NBEA: variants seen among roughly 807,000 people sequenced by gnomAD.
NBEA encodes the protein lysosomal-trafficking regulator 2.
A neutral mutation model predicts 343.4 loss-of-function variants in NBEA; 44 were observed. The ratio of observed to expected loss-of-function variants is 0.13; its 90% CI spans 0.10 to 0.16. The LOEUF (loss-of-function observed/expected upper bound fraction) is 0.16. NBEA is among the 10% of genes least tolerant of loss of function. The pLI is 1.00. For synonymous variants in NBEA, 1,175 were observed against 1,238.7 expected, an observed-to-expected ratio of 0.95 and a Z score of 1.08; for missense variants, 2,555 against 3,631.3, an observed-to-expected ratio of 0.70 and a Z score of 7.62.
At chr13:34,946,884 C>A (rs1483657596) in intron 1 of NBEA, among the ~76,000 whole-genome samples, 1 of 145,954 alleles carries the variant, frequency 6.9e-6, no homozygotes, top group Non-Finnish European at 1.5e-5. Flanking sequence ...GGCAGTAACT[C>A]TTCTTCCTTA....
chr13:35,373,663 C>T (rs2041574618), intron 38 of NBEA, among the ~76,000 whole-genome samples: 1 of 150,836 alleles, frequency 6.6e-6, no homozygotes, highest in African/African-American at 2.4e-5. Flanking sequence ...TGTGATGGCG[C>T]CACTGCACTC....
chr13:35,259,781 C>G (rs930145139), intron 34 of NBEA, among the ~76,000 whole-genome samples: 7 of 152,122 alleles, frequency 4.6e-5, no homozygotes, highest in South Asian at 2.1e-4. Context: ...TTTCAAAAAG[C>G]CACTGAAATT....
At chr13:34,946,086 T>C (rs988440697) in intron 1 of NBEA, among the ~76,000 whole-genome samples, 1 of 152,148 alleles carries the variant, frequency 6.6e-6, no homozygotes, top group Non-Finnish European at 1.5e-5. Flanking sequence ...CAGTGAAATA[T>C]GGAATGGATA....
intron 53 of NBEA, among the ~76,000 whole-genome samples, chr13:35,652,577 C>G (rs1325449383): frequency 1.4e-5 from 2 of 143,540 alleles, no homozygotes; most frequent in Non-Finnish European, 3.0e-5. Context: ...GGAGGCGGAG[C>G]TTGCAGTGAG....
intron 25 of NBEA, among the ~76,000 whole-genome samples, chr13:35,170,577 A>C (rs1455189764): frequency 1.3e-5 from 2 of 151,910 alleles, no homozygotes; most frequent in African/African-American, 2.4e-5. Context: ...CTCTGAAATC[A>C]GAAATGTAGT....
intron 40 of NBEA, among the ~76,000 whole-genome samples, chr13:35,470,770 C>T (rs2075608240): frequency 6.6e-6 from 1 of 152,208 alleles, no homozygotes; most frequent in African/African-American, 2.4e-5. Flanking sequence ...GGAGGCGCCG[C>T]CAAGCGCGCG....
chr13:35,456,072 G>A lies in NBEA; in HGVS notation c.6448+3837G>A, dbSNP rs139629987. 4.5e-4 allele frequency among the ~76,000 whole-genome samples: 68 copies of A among 152,094 alleles called. 1 individual carries two copies. The East Asian group carries it at 0.011, about 25-fold the overall frequency. Reference sequence around the variant, plus strand: ...TTAGTTTTGCTTATAGATAGTCTATGTGTGGTCCAAATCAATCTGGTAAGT... The same window carrying A: ...TTAGTTTTGCTTATAGATAGTCTATATGTGGTCCAAATCAATCTGGTAAGT... On this transcript the variant is annotated intron_variant, in intron 40 of 58. Transcript: ENST00000379939.
chr13:35,619,113 G>A (rs528521805), intron 48 of NBEA, among the ~76,000 whole-genome samples: 2 of 150,796 alleles, frequency 1.3e-5, no homozygotes, highest in South Asian at 2.1e-4. Flanking sequence ...TGCATTTGGG[G>A]TATAATCTAC....
chr13:35,580,659 G>T (rs1221659151), intron 45 of NBEA, among the ~76,000 whole-genome samples: 1 of 152,048 alleles, frequency 6.6e-6, no homozygotes, highest in Non-Finnish European at 1.5e-5. Context: ...ATTATTTATT[G>T]CTGTTTGACT....
At chr13:35,482,992 A>G (rs1440246679) in intron 41 of NBEA, among the ~76,000 whole-genome samples, 1 of 151,846 alleles carries the variant, frequency 6.6e-6, no homozygotes, top group African/African-American at 2.4e-5. Flanking sequence ...ACCGTTATTT[A>G]TTTCCCCTAG....
intron 34 of NBEA, among the ~76,000 whole-genome samples, chr13:35,274,184 C>G (rs2034409946): frequency 6.6e-6 from 1 of 152,150 alleles, no homozygotes; most frequent in Non-Finnish European, 1.5e-5. Context: ...TCAGCTCCAC[C>G]CCTGGGTTGC....
intron 1 of NBEA, among the ~76,000 whole-genome samples, chr13:35,028,374 ATAGT>A (rs1285062983): frequency 6.6e-6 from 1 of 151,850 alleles, no homozygotes; most frequent in Non-Finnish European, 1.5e-5. Context: ...AGTCTTGTAC[ATAGT>A]TTGTTAAATT....
intron 1 of NBEA, among the ~76,000 whole-genome samples, chr13:34,985,137 C>G (rs2060500099): frequency 6.6e-6 from 1 of 151,016 alleles, no homozygotes; most frequent in African/African-American, 2.4e-5. Flanking sequence ...AGGAATGCTT[C>G]AAGTTTTTGC....
At chr13:35,143,997 A>G (rs2068254520) in intron 18 of NBEA, among the ~76,000 whole-genome samples, 1 of 152,190 alleles carries the variant, frequency 6.6e-6, no homozygotes, top group African/African-American at 2.4e-5. Flanking sequence ...GATTTTGCAC[A>G]GTCCTCAAAC....
In NBEA at chr13:35,148,101, A is replaced by C. The variant is rs191728474; in HGVS notation, c.2445+5724A>C. On this transcript the variant is annotated intron_variant, in intron 18 of 58. Transcript: ENST00000379939. ...CTGGTGGGCTGGGCGAGGTTTCCAA[A>C]CACTGGTGGGACCTTGACCCCAGCT... Among the ~76,000 whole-genome samples, 3 of 152,238 alleles carry C rather than the reference A, an allele frequency of 2.0e-5. No homozygotes were observed. The East Asian group carries it at 5.8e-4, about 30-fold the overall frequency.
At chr13:35,252,945 C>G (rs899789519) in intron 34 of NBEA, among the ~76,000 whole-genome samples, 14 of 152,150 alleles carry the variant, frequency 9.2e-5, no homozygotes, top group African/African-American at 3.4e-4. Context: ...CTACTCCCCA[C>G]CTTGGTCTCT....
At chr13:35,145,540 A>G in intron 18 of NBEA, among the ~76,000 whole-genome samples, 1 of 152,154 alleles carries the variant, frequency 6.6e-6, no homozygotes, top group Non-Finnish European at 1.5e-5. Flanking sequence ...TTCTGGCTCT[A>G]GTTCCCTTAA....
At chr13:35,272,992 A>T (rs2034286050) in intron 34 of NBEA, among the ~76,000 whole-genome samples, 1 of 152,222 alleles carries the variant, frequency 6.6e-6, no homozygotes, top group East Asian at 1.9e-4. Flanking sequence ...TCAGCTCTGC[A>T]CCAAGCAGAC....
At chr13:35,210,687 G>C (rs538056888) in intron 32 of NBEA, among the ~76,000 whole-genome samples, 19 of 152,220 alleles carry the variant, frequency 1.2e-4, no homozygotes, top group African/African-American at 4.6e-4. Flanking sequence ...TGTCTTAAAT[G>C]ATGAAAACCA....
Sources: allele counts gnomAD v4.1 joint callset (sites outside exome capture counted in the v4.1 genomes callset), GRCh38; gene constraint gnomAD v4.1.1; transcripts MANE v1.5; gene names NCBI Gene and HGNC (gene_info 2026-07-23, HGNC 2026-07-21).